Variants in OXNAD1 observed in about 807,000 individuals in gnomAD.
OXNAD1 encodes oxidoreductase NAD binding domain containing 1, also known as oxidoreductase NAD-binding domain-containing protein 1.
A neutral mutation model predicts 32.9 loss-of-function variants in OXNAD1; 34 were observed. The observed-to-expected ratio is 1.03, with a 90% CI of 0.79 to 1.38. OXNAD1 has a LOEUF of 1.38. Ranked by LOEUF, OXNAD1 falls within the 40% of genes most tolerant of loss-of-function variation. OXNAD1 has a pLI of 0.00. For missense variants in OXNAD1, 407 were observed against 379.4 expected (o/e 1.07, Z -0.60); for synonymous variants, 134 against 135.2 (o/e 0.99, Z 0.06).
rs1160386331 is a variant in OXNAD1 at position 16,317,772 on chromosome 3, C to T, written c.*30+14180C>T. Reference sequence around the variant, plus strand: ...TGGCGGGCCCGCTCCCCAGCTAGGCCGATAGCCCTTTGCTGACCACCACCT... The same window carrying T: ...TGGCGGGCCCGCTCCCCAGCTAGGCTGATAGCCCTTTGCTGACCACCACCT... On this transcript the variant is annotated intron_variant, in intron 9 of 9. Transcript: ENST00000435829. This position sits in a 1 kb window ranked among gnomAD's most constrained non-coding sequence, Gnocchi z 4.3. Among the ~76,000 whole-genome samples, 1 of 92,314 alleles carries T rather than the reference C, an allele frequency of 1.1e-5. No individual in the cohort carries two copies. Among genetic ancestry groups the T allele is most frequent in the Admixed American group, 9.6e-5 (1 of 10,390 alleles). The allele number at this position is 92,314 out of a possible 152,430, so 60.6% of individuals were successfully genotyped here. A position where few individuals can be genotyped will look rare whatever the true frequency, so the allele number is the denominator to read the frequency against.
At chr3:16,347,340 A>G (rs909066584) in intron 9 of OXNAD1, among the ~76,000 whole-genome samples, 2 of 152,272 alleles carry the variant, frequency 1.3e-5, no homozygotes, top group Non-Finnish European at 2.9e-5. Flanking sequence ...TTGGTGGATT[A>G]CAACAATAGA....
intron 9 of OXNAD1, among the ~76,000 whole-genome samples, chr3:16,331,167 C>A (rs1459064595): frequency 6.6e-6 from 1 of 152,174 alleles, no homozygotes; most frequent in Non-Finnish European, 1.5e-5. Context: ...TTGCCTTTCA[C>A]CAATTAGGGT....
chr3:16,347,290 A>G (rs148436645), intron 9 of OXNAD1, among the ~76,000 whole-genome samples: 4,552 of 152,332 alleles, frequency 0.03, 98 homozygotes, highest in Middle Eastern at 0.082. Flanking sequence ...TGCATGTTAT[A>G]TCCATTTTCT....
chr3:16,336,169 G>C lies in OXNAD1; in HGVS notation c.*31-943G>C, dbSNP rs2070829538. On this transcript the variant is annotated intron_variant, in intron 9 of 9. Transcript: ENST00000435829. This position sits in a 1 kb window ranked among gnomAD's most constrained non-coding sequence, Gnocchi z 6.0. Reference sequence around the variant, plus strand: ...GGAAGGCAGATGCTGGAACACGGCGGGCAGTGTTGCAGAAAACTCCACGTG... The same window carrying C: ...GGAAGGCAGATGCTGGAACACGGCGCGCAGTGTTGCAGAAAACTCCACGTG... Among the ~76,000 whole-genome samples, 1 of 152,250 alleles carries C rather than the reference G, an allele frequency of 6.6e-6. No individual in the cohort carries two copies.
At chr3:16,333,565 ATGT>A (rs2070537905) in intron 9 of OXNAD1, among the ~76,000 whole-genome samples, 1 of 152,226 alleles carries the variant, frequency 6.6e-6, no homozygotes, top group Non-Finnish European at 1.5e-5. Flanking sequence ...ATTTAATAAA[ATGT>A]TATTATTTTA....
At chr3:16,295,361 C>T (rs1231675201) in intron 6 of OXNAD1, among the ~76,000 whole-genome samples, 1 of 152,074 alleles carries the variant, frequency 6.6e-6, no homozygotes, top group Non-Finnish European at 1.5e-5. Flanking sequence ...AATTATTATT[C>T]TGTCATTTTT....
chr3:16,325,859 C>G (rs1018412548), intron 9 of OXNAD1, among the ~76,000 whole-genome samples: 2 of 152,236 alleles, frequency 1.3e-5, no homozygotes, highest in African/African-American at 2.4e-5. Context: ...CTGTCCATCA[C>G]TCTGCAGTGG....
chr3:16,287,465 G>A lies in OXNAD1; in HGVS notation c.290+1017G>A, dbSNP rs905526268. The stretch of plus-strand genomic sequence containing the variant: ...TTTACTGCAATCTTTGCACATGTTC[G>A]ATGATACACATTAAATGCATTTTGC... On this transcript the variant is annotated intron_variant, in intron 5 of 8. Transcript: ENST00000285083. The surrounding 1 kb of genome is among the most constrained non-coding windows in gnomAD (Gnocchi z 4.8). Among the ~76,000 whole-genome samples, 43 of 152,218 alleles carry A rather than the reference G, an allele frequency of 2.8e-4. No homozygotes were observed. The highest frequency in any genetic ancestry group is 1.0e-3 in the African/African-American group (42 of 41,452).
At chr3:16,331,856 A>C (rs1253886260) in intron 9 of OXNAD1, among the ~76,000 whole-genome samples, 1 of 152,220 alleles carries the variant, frequency 6.6e-6, no homozygotes, top group African/African-American at 2.4e-5. Context: ...GTGCATTTCT[A>C]AAAATGCCTT....
chr3:16,313,187 T>G (rs2125132566), intron 9 of OXNAD1, among the ~76,000 whole-genome samples: 1 of 143,818 alleles, frequency 7.0e-6, no homozygotes, highest in African/African-American at 2.7e-5. Context: ...CTGGTACATG[T>G]ACCACCACAC....
Position 16,303,346 on chromosome 3 carries a change from T to C in OXNAD1, c.785-62T>C. 6.4e-7 allele frequency: 1 copy of C among 1,571,236 alleles called. No individual in the cohort carries two copies. Among genetic ancestry groups the C allele is most frequent in the African/African-American group, 1.4e-5 (1 of 73,680 alleles). The stretch of plus-strand genomic sequence containing the variant: ...ACTGTATCTGAATTGTGGTTAGTCC[T>C]TCCTCATTTGCTGATACAACCATGT... On this transcript the variant is annotated intron_variant, in intron 8 of 8. Transcript: ENST00000285083. This position sits in a 1 kb window ranked among gnomAD's most constrained non-coding sequence, Gnocchi z 4.8.
rs1319454307 is a variant in OXNAD1 at position 16,320,724 on chromosome 3, G to T, written c.*31-16388G>T. On this transcript the variant is annotated intron_variant, in intron 9 of 9. Coordinates refer to the OXNAD1 transcript ENST00000435829. This position sits in a 1 kb window ranked among gnomAD's most constrained non-coding sequence, Gnocchi z 4.5. ...AAGGAGGAGAATGTCCTTGGCAGAG[G>T]GGACACGGAAGAACTGGAGGCCACA... Among the ~76,000 whole-genome samples, 1 of 152,196 alleles carries T rather than the reference G, an allele frequency of 6.6e-6. No individual in the cohort carries two copies. The highest frequency in any genetic ancestry group is 1.9e-4 in the East Asian group (1 of 5,198).
rs115035773 is a variant in OXNAD1, at chr3:16,271,130, T to A, written c.119+59T>A. The A allele has an allele frequency of 1.1e-3, 1,764 of 1,583,530 alleles. 14 individuals carry two copies. In the African/African-American group the frequency reaches 0.021, roughly 18 times the overall value. On this transcript the variant is annotated intron_variant, in intron 3 of 8. Coordinates refer to ENST00000285083, the MANE Select transcript of OXNAD1 (RefSeq NM_138381.5). This position sits in a 1 kb window ranked among gnomAD's most constrained non-coding sequence, Gnocchi z 4.6. Reference sequence around the variant, plus strand: ...TAATTTTCAAAGAGACCCGACCTGCTGATGGTTGTGGGAGGCATATCAAAC... The same window carrying A: ...TAATTTTCAAAGAGACCCGACCTGCAGATGGTTGTGGGAGGCATATCAAAC...
chr3:16,296,526 GA>G, intron 6 of OXNAD1, among the ~76,000 whole-genome samples: 1 of 152,102 alleles, frequency 6.6e-6, no homozygotes, highest in Non-Finnish European at 1.5e-5. Flanking sequence ...AAACAATTTT[GA>G]AAAAGAAGAA....
rs2069221533 is a variant in OXNAD1, at chr3:16,322,771, G to GAAAC, written c.*31-14341_*31-14340insAAAC. ...GCCAGTCTCTGTGCGACTGTTTCTA[G>GAAAC]GGTAGTTCAGAGTCCGGAGAGGGGG... On this transcript the variant is annotated intron_variant, in intron 9 of 9. Coordinates refer to the OXNAD1 transcript ENST00000435829. This position sits in a 1 kb window ranked among gnomAD's most constrained non-coding sequence, Gnocchi z 6.2. Among the ~76,000 whole-genome samples, 1 of 152,184 alleles carries GAAAC rather than the reference G, an allele frequency of 6.6e-6. No individual in the cohort carries two copies. The highest frequency in any genetic ancestry group is 1.5e-5 in the Non-Finnish European group (1 of 68,030).
chr3:16,287,684 G>T lies in OXNAD1; in HGVS notation c.290+1236G>T, dbSNP rs1205164572. On this transcript the variant is annotated intron_variant, in intron 5 of 8. Coordinates refer to ENST00000285083, the MANE Select transcript of OXNAD1 (RefSeq NM_138381.5). The surrounding 1 kb of genome is among the most constrained non-coding windows in gnomAD (Gnocchi z 4.8). ...GCCAAGACTCAGACCCAGCCTCCTG[G>T]TTAGGAAAAGCCTGTGCATTGGTTA... 1.3e-5 allele frequency among the ~76,000 whole-genome samples: 2 copies of T among 152,192 alleles called. No homozygotes were observed. The highest frequency in any genetic ancestry group is 1.9e-4 in the East Asian group (1 of 5,196).
intron 5 of OXNAD1, among the ~76,000 whole-genome samples, chr3:16,294,644 C>T (rs2066648042): frequency 6.6e-6 from 1 of 152,162 alleles, no homozygotes; most frequent in South Asian, 2.1e-4. Flanking sequence ...GTGTGCATTT[C>T]ATGTAAGTTA....
Position 16,348,272 on chromosome 3 carries a change from A to G in OXNAD1, c.*31-904A>G, listed in dbSNP as rs2071868035. ...GGCATCTAGATCACTGACATTATCC[A>G]TAATCAGAGGCGTCTAGGAGATCAC... On this transcript the variant is annotated intron_variant, in intron 9 of 9. Coordinates refer to the OXNAD1 transcript ENST00000606098. The surrounding 1 kb of genome is among the most constrained non-coding windows in gnomAD (Gnocchi z 6.3). 6.6e-6 allele frequency among the ~76,000 whole-genome samples: 1 copy of G among 152,132 alleles called. No individual in the cohort carries two copies. Among genetic ancestry groups the G allele is most frequent in the Admixed American group, 6.5e-5 (1 of 15,282 alleles).
At chr3:16,278,679 AT>A (rs1211471386) in intron 4 of OXNAD1, among the ~76,000 whole-genome samples, 4 of 152,194 alleles carry the variant, frequency 2.6e-5, no homozygotes, top group Admixed American at 6.5e-5. Flanking sequence ...GCTTTCCTTT[AT>A]GTTACAGCAG....
Sources: gnomAD v4.1 joint callset for allele counts (sites outside exome capture counted in the v4.1 genomes callset) on GRCh38, gnomAD v4.1.1 for gene constraint, Gnocchi (gnomAD v3.1) non-coding constraint, MANE v1.5 for transcripts, NCBI Gene and HGNC (gene_info 2026-07-23, HGNC 2026-07-21) for gene names.